CLASP1: variants seen among roughly 807,000 people sequenced by gnomAD.
The protein encoded by CLASP1 is CLIP-associating protein 1.
Under a neutral mutation model 192.3 loss-of-function variants are expected in CLASP1, and 38 were observed. That is an observed-to-expected ratio of 0.20 (90% confidence interval 0.15 to 0.26). The LOEUF is 0.26. Among genes scored for constraint, CLASP1 ranks in the 10% least tolerant of loss-of-function variants. CLASP1 has a pLI of 1.00. For missense variants in CLASP1, 1,433 were observed against 1,932.5 expected, an observed-to-expected ratio of 0.74 and a Z score of 4.85; for synonymous variants, 691 against 712.8, an observed-to-expected ratio of 0.97 and a Z score of 0.49.
At chr2:121,401,020 C>G (rs1381866439) in intron 28 of CLASP1, among the ~76,000 whole-genome samples, 2 of 152,192 alleles carry the variant, frequency 1.3e-5, no homozygotes, top group African/African-American at 4.8e-5. Flanking sequence ...TTTCTTTTCT[C>G]ATAACAGCCA....
chr2:121,394,875 G>A (rs969813780), intron 30 of CLASP1, among the ~76,000 whole-genome samples: 10 of 152,168 alleles, frequency 6.6e-5, no homozygotes, highest in East Asian at 1.9e-4. Context: ...GCGAGACTCC[G>A]TCTCAAACAA....
At chr2:121,531,581 G>GCA (rs2094883715) in intron 2 of CLASP1, among the ~76,000 whole-genome samples, 1 of 123,508 alleles carries the variant, frequency 8.1e-6, no homozygotes. Context: ...GGGCGACAGC[G>GCA]AGACTCCATC....
intron 14 of CLASP1, 69 bp from the exon 15 acceptor site, chr2:121,451,918 T>C (rs2085561829): frequency 9.7e-7 from 1 of 1,032,472 alleles, no homozygotes. Context: ...GGCATTTTTC[T>C]TAAGTGACCC....
At chr2:121,410,963 A>G in exon 24 of CLASP1, 1 of 1,593,626 alleles carries the variant, frequency 6.3e-7, no homozygotes, top group African/African-American at 1.4e-5. Flanking sequence ...GCCAAGCCCA[A>G]ACCGATCTAT....
chr2:121,415,568 G>T (rs1336556246), intron 23 of CLASP1, among the ~76,000 whole-genome samples: 1 of 152,146 alleles, frequency 6.6e-6, no homozygotes, highest in Non-Finnish European at 1.5e-5. Flanking sequence ...ATGAAATAAA[G>T]ACTTGGTTCA....
chr2:121,425,078 A>G, intron 22 of CLASP1, 61 bp downstream of exon 22: 1 of 1,469,418 alleles, frequency 6.8e-7, no homozygotes, highest in South Asian at 1.3e-5. Flanking sequence ...TAGTCATTAG[A>G]TTATAATCAA....
At chr2:121,403,820 G>C (rs1312593710) in intron 26 of CLASP1, 1 of 461,334 alleles carries the variant, frequency 2.2e-6, no homozygotes, top group Non-Finnish European at 4.4e-6. Flanking sequence ...TGTTCCCTAT[G>C]GCCCTCAGGA....
rs2088542191 is a variant in CLASP1 at position 121,463,329 on chromosome 2, TTC to T, written c.866-726_866-725del. Among the ~76,000 whole-genome samples, 6 of 152,306 alleles carry T rather than the reference TTC, an allele frequency of 3.9e-5. No homozygotes were observed. The South Asian group carries it at 1.2e-3, about 32-fold the overall frequency. ...TTTACATGGATTAGTCTGATTGCTT[TTC>T]TAAGACCTTCTTACCACTCATGTAT... On this transcript the variant is annotated intron_variant, in intron 9 of 39. Transcript: ENST00000263710.
At chr2:121,583,110 C>T (rs1196757063) in intron 2 of CLASP1, among the ~76,000 whole-genome samples, 4 of 152,114 alleles carry the variant, frequency 2.6e-5, no homozygotes, top group Admixed American at 6.5e-5. Flanking sequence ...TATTCATCTG[C>T]GAATACCAAG....
chr2:121,538,446 C>CA (rs35473489), intron 2 of CLASP1, among the ~76,000 whole-genome samples: 44 of 149,312 alleles, frequency 2.9e-4, no homozygotes, highest in African/African-American at 1.0e-3. Flanking sequence ...TGAAAATTGA[C>CA]AAAAAAAGAT....
intron 2 of CLASP1, among the ~76,000 whole-genome samples, chr2:121,555,769 C>T (rs1296963407): frequency 6.6e-6 from 1 of 152,146 alleles, no homozygotes; most frequent in Non-Finnish European, 1.5e-5. Flanking sequence ...GCAACCTCTG[C>T]CTCCTGGGTT....
chr2:121,449,434 C>T (rs769500739), intron 16 of CLASP1, among the ~76,000 whole-genome samples: 1 of 152,074 alleles, frequency 6.6e-6, no homozygotes, highest in Non-Finnish European at 1.5e-5. Context: ...AAGACCATAC[C>T]TAGAACACAG....
intron 37 of CLASP1, among the ~76,000 whole-genome samples, chr2:121,355,837 CAA>C (rs766737835): frequency 1.3e-5 from 2 of 152,130 alleles, no homozygotes; most frequent in Non-Finnish European, 2.9e-5. Context: ...AGGACAGGAT[CAA>C]AAAGACTTCT....
chr2:121,527,260 G>A (rs1337170149), intron 5 of CLASP1, among the ~76,000 whole-genome samples: 1 of 152,134 alleles, frequency 6.6e-6, no homozygotes, highest in Non-Finnish European at 1.5e-5. Context: ...CAGGTGACTA[G>A]TTTAACCAAC....
chr2:121,436,176 C>T (rs1421296603), intron 19 of CLASP1, among the ~76,000 whole-genome samples: 1 of 151,860 alleles, frequency 6.6e-6, no homozygotes, highest in African/African-American at 2.4e-5. Context: ...GGATTACAGA[C>T]ATGTACCACC....
chr2:121,644,077 C>G (rs2072661506), intron 1 of CLASP1, among the ~76,000 whole-genome samples: 1 of 152,190 alleles, frequency 6.6e-6, no homozygotes. Context: ...CAACACTTTA[C>G]ACGTATTATC....
At chr2:121,349,540 C>T (rs2063976405) in intron 37 of CLASP1, among the ~76,000 whole-genome samples, 1 of 152,176 alleles carries the variant, frequency 6.6e-6, no homozygotes, top group Non-Finnish European at 1.5e-5. Flanking sequence ...TGCAAAGAAG[C>T]CTGGAGGAAA....
intron 16 of CLASP1, among the ~76,000 whole-genome samples, chr2:121,449,447 T>C (rs1207753633): frequency 2.0e-5 from 3 of 152,212 alleles, no homozygotes; most frequent in Non-Finnish European, 4.4e-5. Flanking sequence ...GAACACAGGA[T>C]AGGCTCATTA....
intron 1 of CLASP1, among the ~76,000 whole-genome samples, chr2:121,644,208 A>G (rs189246402): frequency 2.4e-4 from 36 of 152,346 alleles, no homozygotes; most frequent in Non-Finnish European, 1.5e-4. Flanking sequence ...CTAAAATCAC[A>G]GCACTTGTAA....
Sources: allele counts gnomAD v4.1 joint callset (sites outside exome capture counted in the v4.1 genomes callset), GRCh38; gene constraint gnomAD v4.1.1; transcripts MANE v1.5; gene names NCBI Gene and HGNC (gene_info 2026-07-23, HGNC 2026-07-21).